Variants in ZNF407 observed in about 807,000 individuals in gnomAD.
ZNF407 encodes zinc finger protein 407.
In ZNF407, 17 loss-of-function variants were observed where a neutral mutation model predicts 131.2. The observed-to-expected ratio is 0.13, with a 90% CI of 0.09 to 0.19. The LOEUF (loss-of-function observed/expected upper bound fraction) is 0.19, where lower values mean the gene tolerates loss of function less well. Ranked by LOEUF, ZNF407 falls within the 10% of genes least tolerant of loss-of-function variation. The pLI, the probability that ZNF407 is intolerant of heterozygous loss-of-function variation, is 1.00. For synonymous variants in ZNF407, 1,156 were observed against 1,062.0 expected, an observed-to-expected ratio of 1.09 and a Z score of -1.72; for missense variants, 2,681 against 2,830.6, an observed-to-expected ratio of 0.95 and a Z score of 1.20.
chr18:74,855,927 G>A (rs918715028), intron 4 of ZNF407, among the ~76,000 whole-genome samples: 6 of 152,186 alleles, frequency 3.9e-5, no homozygotes, highest in Admixed American at 2.0e-4. Context: ...ACTGAAAGGC[G>A]TGTAGAGAGC....
intron 4 of ZNF407, among the ~76,000 whole-genome samples, chr18:74,854,758 T>A (rs1201044777): frequency 6.6e-6 from 1 of 152,034 alleles, no homozygotes; most frequent in African/African-American, 2.4e-5. Context: ...TCAAGAATAA[T>A]GACAGAAACA....
intron 6 of ZNF407, among the ~76,000 whole-genome samples, chr18:74,882,943 G>C (rs988512946): frequency 9.2e-5 from 14 of 152,202 alleles, no homozygotes; most frequent in African/African-American, 2.9e-4. Context: ...GTCCCACCTG[G>C]TATGGCCCCA....
intron 8 of ZNF407, among the ~76,000 whole-genome samples, chr18:74,995,655 T>C (rs1259185473): frequency 6.6e-6 from 1 of 152,202 alleles, no homozygotes; most frequent in Non-Finnish European, 1.5e-5. Flanking sequence ...ATGAAATCAT[T>C]TGGAAGAGGC....
intron 3 of ZNF407, among the ~76,000 whole-genome samples, chr18:74,670,717 G>A (rs1986107993): frequency 6.6e-6 from 1 of 152,128 alleles, no homozygotes; most frequent in African/African-American, 2.4e-5. Flanking sequence ...TGTGTGTGTT[G>A]CTTAGGCTGG....
intron 7 of ZNF407, among the ~76,000 whole-genome samples, chr18:74,910,930 G>A (rs1971661818): frequency 6.6e-6 from 1 of 152,008 alleles, no homozygotes; most frequent in East Asian, 1.9e-4. Flanking sequence ...GTCCCCCTGG[G>A]CAGAATCCCT....
At chr18:74,784,221 C>A (rs1427091040) in intron 4 of ZNF407, among the ~76,000 whole-genome samples, 1 of 152,148 alleles carries the variant, frequency 6.6e-6, no homozygotes, top group Non-Finnish European at 1.5e-5. Context: ...TTCTCCAGGA[C>A]AGTATAATCA....
At chr18:74,988,601 T>C (rs1055698439) in intron 8 of ZNF407, among the ~76,000 whole-genome samples, 4 of 150,746 alleles carry the variant, frequency 2.7e-5, no homozygotes, top group Non-Finnish European at 5.9e-5. Flanking sequence ...CTAAGAAAAA[T>C]AGCATTGTTC....
intron 3 of ZNF407, among the ~76,000 whole-genome samples, chr18:74,768,817 T>C (rs1160735994): frequency 1.3e-5 from 2 of 152,332 alleles, no homozygotes; most frequent in East Asian, 1.9e-4. Context: ...GCCATAGTGT[T>C]CTCTCACTAA....
At chr18:74,793,800 C>T (rs1969868879) in intron 4 of ZNF407, among the ~76,000 whole-genome samples, 1 of 152,164 alleles carries the variant, frequency 6.6e-6, no homozygotes, top group Admixed American at 6.5e-5. Context: ...TGTCGGGAAG[C>T]ATTTTCCCGG....
At chr18:74,912,468 A>G (rs1329881731) in intron 7 of ZNF407, among the ~76,000 whole-genome samples, 1 of 152,196 alleles carries the variant, frequency 6.6e-6, no homozygotes, top group African/African-American at 2.4e-5. Context: ...GACAAGTATA[A>G]TAGAATAGAA....
chr18:74,693,255 A>G (rs1363291523), intron 3 of ZNF407, among the ~76,000 whole-genome samples: 1 of 152,210 alleles, frequency 6.6e-6, no homozygotes, highest in Non-Finnish European at 1.5e-5. Context: ...GGGCTCGAGA[A>G]AAGTTAGACT....
chr18:74,886,249 C>T (rs1971307014), intron 6 of ZNF407, among the ~76,000 whole-genome samples: 2 of 152,086 alleles, frequency 1.3e-5, no homozygotes, highest in African/African-American at 4.8e-5. Context: ...AGGTGTAAAG[C>T]GTTGACTACA....
rs370057037 is a variant in ZNF407 at position 74,994,750 on chromosome 18, G to A, written c.5429-68400G>A. 6.6e-5 allele frequency among the ~76,000 whole-genome samples: 10 copies of A among 152,138 alleles called. No homozygotes were observed. In the East Asian group the frequency reaches 1.4e-3, roughly 21 times the overall value. Reference sequence around the variant, plus strand: ...ACGGCAGCGGCACTCAGGACCCAGCGACAGGAAGAATAGATGATGGAAAGG... The same window carrying A: ...ACGGCAGCGGCACTCAGGACCCAGCAACAGGAAGAATAGATGATGGAAAGG... On this transcript the variant is annotated intron_variant, in intron 8 of 8. Transcript: ENST00000299687.
chr18:74,800,357 A>G (rs1199957611), intron 4 of ZNF407, among the ~76,000 whole-genome samples: 1 of 151,922 alleles, frequency 6.6e-6, no homozygotes, highest in East Asian at 1.9e-4. Flanking sequence ...GTTTTAATTC[A>G]GCTGTTGTCT....
chr18:74,915,500 A>C (rs2628106), intron 7 of ZNF407, among the ~76,000 whole-genome samples: 1 of 42,816 alleles, frequency 2.3e-5, no homozygotes, highest in African/African-American at 8.9e-5. Context: ...GTGTGTGTTC[A>C]TGCATGTGTG....
At chr18:75,038,920 C>T (rs1246686253) in intron 8 of ZNF407, among the ~76,000 whole-genome samples, 1 of 152,190 alleles carries the variant, frequency 6.6e-6, no homozygotes, top group East Asian at 1.9e-4. Context: ...TATTTGGTGG[C>T]AATCAAGAAC....
intron 7 of ZNF407, among the ~76,000 whole-genome samples, chr18:74,915,639 C>T (rs865913032): frequency 1.3e-3 from 59 of 43,956 alleles, no homozygotes; most frequent in East Asian, 2.4e-3. Flanking sequence ...TGTGTGTGTG[C>T]GTGCATGTGT....
chr18:74,767,780 A>G lies in ZNF407; in HGVS notation c.4803-13648A>G, dbSNP rs572117159. On this transcript the variant is annotated intron_variant, in intron 3 of 8. Coordinates refer to ENST00000299687, the MANE Select transcript of ZNF407 (RefSeq NM_017757.3). ...GCCATTCTCCTGCCTCAGCCTCCTG[A>G]GTAGCTGGGACTAGAGGCGCCTGCC... 4.4e-4 allele frequency among the ~76,000 whole-genome samples: 64 copies of G among 146,042 alleles called. 1 individual carries two copies. Among genetic ancestry groups the G allele is most frequent in the Middle Eastern group, 3.8e-3 (1 of 262 alleles).
At chr18:74,926,512 A>G (rs748310547) in intron 8 of ZNF407, among the ~76,000 whole-genome samples, 4 of 152,212 alleles carry the variant, frequency 2.6e-5, no homozygotes, top group South Asian at 2.1e-4. Flanking sequence ...ACATTTTAAA[A>G]TAGTTTTACA....
Sources: gnomAD v4.1 joint callset for allele counts (sites outside exome capture counted in the v4.1 genomes callset) on GRCh38, gnomAD v4.1.1 for gene constraint, MANE v1.5 for transcripts, NCBI Gene and HGNC (gene_info 2026-07-23, HGNC 2026-07-21) for gene names.